The following CUX2 variants were observed in gnomAD, a reference collection of about 807,000 sequenced individuals.
CUX2 encodes the protein homeobox protein cut-like 2.
Under a neutral mutation model 144.8 loss-of-function variants are expected in CUX2, and 40 were observed. The ratio of observed to expected loss-of-function variants is 0.28; its 90% CI spans 0.21 to 0.36. The LOEUF is 0.36. Ranked by LOEUF, CUX2 falls within the 10% of genes least tolerant of loss-of-function variation. CUX2 has a pLI of 1.00. For synonymous variants in CUX2, 827 were observed against 875.6 expected, an observed-to-expected ratio of 0.94 and a Z score of 0.98; for missense variants, 1,615 against 1,994.0, an observed-to-expected ratio of 0.81 and a Z score of 3.62.
In CUX2 at chr12:111,303,647, AAAAG is replaced by A. The variant is rs1886427461; in HGVS notation, c.754-559_754-556del. Among the ~76,000 whole-genome samples the A allele has an allele frequency of 2.0e-5, 3 of 151,950 alleles. No individual in the cohort carries two copies. The South Asian group carries it at 6.2e-4, about 32-fold the overall frequency. ...GTGAGACTCCATCTCAAAAAAAAAA[AAAAG>A]AAAAGAAAAGAAACTGAGACCCAGG... On this transcript the variant is annotated intron_variant, in intron 9 of 21. Coordinates refer to ENST00000261726, the MANE Select transcript of CUX2 (RefSeq NM_015267.4).
At chr12:111,314,656 A>AAAAAAAAC (rs1887091212) in intron 16 of CUX2, among the ~76,000 whole-genome samples, 1 of 137,822 alleles carries the variant, frequency 7.3e-6, no homozygotes, top group Non-Finnish European at 1.5e-5. Context: ...AAAAAAAAAA[A>AAAAAAAAC]AAAAAAAAAA....
At chr12:111,155,512 GA>G (rs922939610) in intron 1 of CUX2, among the ~76,000 whole-genome samples, 1 of 152,152 alleles carries the variant, frequency 6.6e-6, no homozygotes, top group Admixed American at 6.5e-5. Context: ...CACTCCCAAT[GA>G]AAATTGCAAA....
At chr12:111,189,292 A>G (rs1592819477) in intron 1 of CUX2, among the ~76,000 whole-genome samples, 1 of 152,076 alleles carries the variant, frequency 6.6e-6, no homozygotes, top group East Asian at 1.9e-4. Flanking sequence ...AAGAAACAGA[A>G]CATTCCCTGC....
Position 111,348,412 on chromosome 12 carries a change from G to C in CUX2, c.*87G>C. 1 of 1,259,974 alleles carries C rather than the reference G, an allele frequency of 7.9e-7. No individual in the cohort carries two copies. The highest frequency in any genetic ancestry group is 2.3e-5 in the East Asian group (1 of 42,620). 78.0% of individuals were successfully genotyped at this position (1,259,974 alleles called of 1,614,324 possible). A position where few individuals can be genotyped will look rare whatever the true frequency, so the allele number is the denominator to read the frequency against. ...CCTCAACAGGATGGGGTAAGGGAGG[G>C]AGGAACTCAACCATCAAAATGTGGA... On this transcript the variant is annotated 3_prime_UTR_variant, in exon 22 of 22. Transcript: ENST00000261726.
At chr12:111,100,038 C>T (rs868605942) in intron 1 of CUX2, 12 of 456,856 alleles carry the variant, frequency 2.6e-5, no homozygotes, top group Admixed American at 4.7e-5. Flanking sequence ...GTGCTGCTGA[C>T]GGGCCCTCGG....
chr12:111,180,012 G>A (rs972414889), intron 1 of CUX2, among the ~76,000 whole-genome samples: 6 of 152,080 alleles, frequency 3.9e-5, no homozygotes, highest in Non-Finnish European at 7.4e-5. Context: ...CCCTGACCCC[G>A]GATCATGCCA....
At chr12:111,326,761 G>T (rs1887841916) in intron 18 of CUX2, among the ~76,000 whole-genome samples, 1 of 152,106 alleles carries the variant, frequency 6.6e-6, no homozygotes, top group East Asian at 1.9e-4. Flanking sequence ...AAAATTAGCC[G>T]GGTGTGGTAG....
At position 111,189,668 on chromosome 12, in the gene CUX2, G is replaced by A. The variant is rs1239455515; in HGVS notation, c.64-24532G>A. Among the ~76,000 whole-genome samples, 12 of 152,180 alleles carry A rather than the reference G, an allele frequency of 7.9e-5. No homozygotes were observed. The East Asian group carries it at 1.5e-3, about 20-fold the overall frequency. Reference sequence around the variant, plus strand: ...GCTTCTATGAACATTCCAGACCAGCGCTTCTCAAACGTTAATGTACTCATG... The same window carrying A: ...GCTTCTATGAACATTCCAGACCAGCACTTCTCAAACGTTAATGTACTCATG... On this transcript the variant is annotated intron_variant, in intron 1 of 21. Coordinates refer to ENST00000261726, the MANE Select transcript of CUX2 (RefSeq NM_015267.4).
At chr12:111,252,926 A>C (rs1295764449) in intron 3 of CUX2, among the ~76,000 whole-genome samples, 1 of 151,814 alleles carries the variant, frequency 6.6e-6, no homozygotes, top group Non-Finnish European at 1.5e-5. Context: ...ATGATTATCC[A>C]GTTGTTAAAG....
intron 18 of CUX2, among the ~76,000 whole-genome samples, chr12:111,324,350 CAAA>C (rs763180221): frequency 6.8e-5 from 5 of 73,094 alleles, no homozygotes; most frequent in African/African-American, 5.6e-5. Context: ...GACTCTGTCT[CAAA>C]AAAAAAAAAA....
At position 111,160,557 on chromosome 12, in the gene CUX2, G is replaced by A. The variant is rs536370177; in HGVS notation, c.64-53643G>A. Among the ~76,000 whole-genome samples, 2 of 152,192 alleles carry A rather than the reference G, an allele frequency of 1.3e-5. No individual in the cohort carries two copies. Among genetic ancestry groups the A allele is most frequent in the Non-Finnish European group, 2.9e-5 (2 of 68,044 alleles). On this transcript the variant is annotated intron_variant, in intron 1 of 21. Coordinates refer to ENST00000261726, the MANE Select transcript of CUX2 (RefSeq NM_015267.4). This position sits in a 1 kb window ranked among gnomAD's most constrained non-coding sequence, Gnocchi z 4.1. ...CCGGCACAGAGGGGGCGCGAGATGCGAGCAGGGAGCAGGGTGGCACTTGGC... is the reference window on the plus strand; with the variant it reads ...CCGGCACAGAGGGGGCGCGAGATGCAAGCAGGGAGCAGGGTGGCACTTGGC...
chr12:111,182,465 A>G (rs1879248814), intron 1 of CUX2, among the ~76,000 whole-genome samples: 1 of 152,222 alleles, frequency 6.6e-6, no homozygotes. Context: ...GTCTTCTCAG[A>G]GCCATTAGCC....
At chr12:111,119,856 G>A (rs1429384917) in intron 1 of CUX2, among the ~76,000 whole-genome samples, 8 of 152,298 alleles carry the variant, frequency 5.3e-5, no homozygotes, top group East Asian at 1.9e-4. Flanking sequence ...TCAGGAGTTC[G>A]AGACCAGCCT....
At chr12:111,040,358 A>G (rs1280882078) in intron 1 of CUX2, among the ~76,000 whole-genome samples, 1 of 151,296 alleles carries the variant, frequency 6.6e-6, no homozygotes, top group Non-Finnish European at 1.5e-5. Context: ...TCCCTGACAG[A>G]TCCCCCAGGA....
intron 1 of CUX2, among the ~76,000 whole-genome samples, chr12:111,055,987 A>G (rs1279631456): frequency 2.6e-5 from 4 of 152,194 alleles, no homozygotes; most frequent in Non-Finnish European, 5.9e-5. Flanking sequence ...CTTCTGTAAC[A>G]TGGGGCTTCC....
chr12:111,195,576 C>T (rs1880186456), intron 1 of CUX2, among the ~76,000 whole-genome samples: 2 of 152,200 alleles, frequency 1.3e-5, no homozygotes, highest in African/African-American at 4.8e-5. Flanking sequence ...GACTGACAGA[C>T]ACGAGTTGGA....
At chr12:111,226,760 A>G (rs1882166535) in intron 3 of CUX2, among the ~76,000 whole-genome samples, 1 of 152,206 alleles carries the variant, frequency 6.6e-6, no homozygotes, top group Non-Finnish European at 1.5e-5. Flanking sequence ...CTGCAGAGGA[A>G]TGGGCTGGCG....
At chr12:111,049,133 C>G (rs963977947) in intron 1 of CUX2, among the ~76,000 whole-genome samples, 4 of 151,930 alleles carry the variant, frequency 2.6e-5, no homozygotes, top group African/African-American at 4.9e-5. Context: ...ATCCATCCAT[C>G]TATCCATCCA....
rs578119895 is a variant in CUX2, at chr12:111,248,109, C to T, written c.223-15652C>T. Reference sequence around the variant, plus strand: ...AGAGACAGGGTTTCACCATGTTGGCCAGGCTGGTCTTGAACTCCTGACCTC... The same window carrying T: ...AGAGACAGGGTTTCACCATGTTGGCTAGGCTGGTCTTGAACTCCTGACCTC... On this transcript the variant is annotated intron_variant, in intron 3 of 21. Transcript: ENST00000261726. Among the ~76,000 whole-genome samples, 3 of 152,270 alleles carry T rather than the reference C, an allele frequency of 2.0e-5. No homozygotes were observed. In the East Asian group the frequency reaches 5.8e-4, roughly 29 times the overall value.
Sources: allele counts gnomAD v4.1 joint callset (sites outside exome capture counted in the v4.1 genomes callset), GRCh38; gene constraint gnomAD v4.1.1; non-coding constraint Gnocchi (gnomAD v3.1); transcripts MANE v1.5; gene names NCBI Gene and HGNC (gene_info 2026-07-23, HGNC 2026-07-21).